Variants in HTR1F observed in about 807,000 individuals in gnomAD.
The protein encoded by HTR1F is 5-hydroxytryptamine receptor 1F, also known as 5-hydroxytryptamine (serotonin) receptor 1F, G protein-coupled.
Under a neutral mutation model 24.0 loss-of-function variants are expected in HTR1F, and 17 were observed. That is an observed-to-expected ratio of 0.71 (90% CI 0.48 to 1.06). The LOEUF is 1.06. HTR1F is among the 50% of genes least tolerant of loss of function. The probability of loss-of-function intolerance (pLI) is 0.00; values close to 1 mark genes in which losing one functional copy is unlikely to be tolerated. For synonymous variants in HTR1F, 186 were observed against 156.8 expected, an observed-to-expected ratio of 1.19 and a Z score of -1.39; for missense variants, 391 against 427.8, an observed-to-expected ratio of 0.91 and a Z score of 0.76.
chr3:87,903,016 G>C (rs2343777), intron 2 of HTR1F, among the ~76,000 whole-genome samples: 27,850 of 149,840 alleles, frequency 0.19, 4,621 homozygotes, highest in African/African-American at 0.45. Context: ...GAAAAACAAG[G>C]AATGGGGAAA....
intron 2 of HTR1F, among the ~76,000 whole-genome samples, chr3:87,944,412 T>G (rs1704645597): frequency 6.6e-6 from 1 of 152,188 alleles, no homozygotes; most frequent in South Asian, 2.1e-4. Context: ...GACCAATTAT[T>G]AAGCAATTTT....
chr3:87,944,635 T>C (rs1704651248), intron 2 of HTR1F, among the ~76,000 whole-genome samples: 1 of 152,246 alleles, frequency 6.6e-6, no homozygotes, highest in African/African-American at 2.4e-5. Context: ...TTAAATTACC[T>C]TTTTCTAACA....
At position 87,896,634 on chromosome 3, in the gene HTR1F, C is replaced by G. The variant is rs532998619; in HGVS notation, c.-43+74510C>G. Among the ~76,000 whole-genome samples, 80 of 152,130 alleles carry G rather than the reference C, an allele frequency of 5.3e-4. 1 individual carries two copies. The highest frequency in any genetic ancestry group is 1.8e-3 in the African/African-American group (74 of 41,502). Reference sequence around the variant, plus strand: ...AACAATCAACAAAGTGAAAAGGTGACCAATAGATTGGGAAAAAGTGTTTGC... The same window carrying G: ...AACAATCAACAAAGTGAAAAGGTGAGCAATAGATTGGGAAAAAGTGTTTGC... On this transcript the variant is annotated intron_variant, in intron 2 of 2. Coordinates refer to ENST00000319595, the MANE Select transcript of HTR1F (RefSeq NM_001322209.2).
At position 87,991,316 on chromosome 3, in the gene HTR1F, T is replaced by C. The variant is rs1215431438; in HGVS notation, c.567T>C (p.Ala189=). 1.9e-6 allele frequency: 3 copies of C among 1,613,992 alleles called. No homozygotes were observed. The highest frequency in any genetic ancestry group is 4.5e-5 in the East Asian group (2 of 44,884). ...IVSTIYSTFG[A]FYIPLALILI... Reference sequence around the variant, plus strand: ...CCACCATTTACTCAACATTTGGAGCTTTCTACATCCCACTGGCATTGATTT... The same window carrying C: ...CCACCATTTACTCAACATTTGGAGCCTTCTACATCCCACTGGCATTGATTT... Residue 189 remains alanine, a synonymous_variant, in exon 3 of 3, where the codon GCT becomes GCC. Coordinates refer to ENST00000319595, the MANE Select transcript of HTR1F (RefSeq NM_001322209.2).
chr3:87,847,977 G>A (rs1459632547), intron 2 of HTR1F, among the ~76,000 whole-genome samples: 1 of 151,942 alleles, frequency 6.6e-6, no homozygotes, highest in East Asian at 1.9e-4. Flanking sequence ...ATAAGCATGT[G>A]AGTACAGACA....
At chr3:87,984,263 A>T (rs567668760) in intron 2 of HTR1F, among the ~76,000 whole-genome samples, 81 of 152,296 alleles carry the variant, frequency 5.3e-4, no homozygotes, top group African/African-American at 1.9e-3. Flanking sequence ...TTTCCAGGAA[A>T]CTTTATACAT....
chr3:87,887,592 T>C (rs977185694), intron 2 of HTR1F, among the ~76,000 whole-genome samples: 1 of 152,196 alleles, frequency 6.6e-6, no homozygotes, highest in Non-Finnish European at 1.5e-5. Context: ...AAAGGGCTAA[T>C]ATCCAGAATC....
intron 2 of HTR1F, among the ~76,000 whole-genome samples, chr3:87,953,571 TTATA>T (rs950480278): frequency 6.6e-6 from 1 of 151,502 alleles, no homozygotes; most frequent in African/African-American, 2.4e-5. Flanking sequence ...AAGGGCATAC[TTATA>T]TGTTGTTGGT....
At chr3:87,812,430 C>G (rs990162637) in intron 1 of HTR1F, among the ~76,000 whole-genome samples, 2 of 5,758 alleles carry the variant, frequency 3.5e-4, no homozygotes, top group African/African-American at 2.3e-3. Flanking sequence ...GAATTTTGCC[C>G]CTGCCCTAGG....
chr3:87,835,312 C>A (rs1704661340), intron 2 of HTR1F, among the ~76,000 whole-genome samples: 1 of 145,870 alleles, frequency 6.9e-6, no homozygotes, highest in Non-Finnish European at 1.5e-5. Flanking sequence ...CCAGGGCAGA[C>A]AGGATCTAAA....
intron 2 of HTR1F, among the ~76,000 whole-genome samples, chr3:87,899,758 G>A (rs1215824362): frequency 4.6e-5 from 7 of 152,036 alleles, no homozygotes; most frequent in African/African-American, 9.7e-5. Context: ...CCAGCTACTC[G>A]GGAGGCTGAG....
intron 2 of HTR1F, among the ~76,000 whole-genome samples, chr3:87,977,949 C>A (rs150295730): frequency 1.4e-3 from 210 of 152,314 alleles, no homozygotes; most frequent in African/African-American, 4.9e-3. Flanking sequence ...TTAGCTCATG[C>A]TACTGGCCCA....
chr3:87,969,062 C>T (rs148974176), intron 2 of HTR1F, among the ~76,000 whole-genome samples: 1,906 of 152,346 alleles, frequency 0.013, 39 homozygotes, highest in African/African-American at 0.043. Context: ...TGGAAACCTC[C>T]GCCTAGATTT....
intron 2 of HTR1F, among the ~76,000 whole-genome samples, chr3:87,902,742 TC>T (rs1377795674): frequency 1.1e-5 from 1 of 89,386 alleles, no homozygotes; most frequent in Non-Finnish European, 2.1e-5. Flanking sequence ...AAGCTATCCC[TC>T]CCCCCTCCCC....
At chr3:87,872,624 C>A (rs1503427) in intron 2 of HTR1F, among the ~76,000 whole-genome samples, 1 of 151,652 alleles carries the variant, frequency 6.6e-6, no homozygotes, top group African/African-American at 2.4e-5. Context: ...ACAGCTAATG[C>A]CACAGAAATA....
intron 2 of HTR1F, among the ~76,000 whole-genome samples, chr3:87,893,638 G>A (rs553776023): frequency 6.6e-6 from 1 of 152,336 alleles, no homozygotes; most frequent in East Asian, 1.9e-4. Flanking sequence ...ACTATTTAAT[G>A]CTAGTGCAAA....
chr3:87,881,864 C>G (rs1705810445), intron 2 of HTR1F, among the ~76,000 whole-genome samples: 1 of 152,166 alleles, frequency 6.6e-6, no homozygotes, highest in Admixed American at 6.5e-5. Context: ...CAAATGGGAT[C>G]TAATTAAACT....
rs113713663 is a variant in HTR1F, at chr3:87,929,989, G to T, written c.-42-60719G>T. On this transcript the variant is annotated intron_variant, in intron 2 of 2. Transcript: ENST00000319595. ...CTCTGATTTCTTTGAGCAGTGTTTT[G>T]TAGTTCTACTTGCAGAGATCTTTCA... Among the ~76,000 whole-genome samples the T allele has an allele frequency of 4.2e-3, 641 of 152,166 alleles. 7 individuals are homozygous for T. Among genetic ancestry groups the T allele is most frequent in the African/African-American group, 0.015 (606 of 41,508 alleles).
chr3:87,845,603 A>G (rs1364617798), intron 2 of HTR1F, among the ~76,000 whole-genome samples: 4 of 151,238 alleles, frequency 2.6e-5, no homozygotes, highest in Non-Finnish European at 5.9e-5. Flanking sequence ...CAAATGGAAG[A>G]ACATTCCATG....
Sources: gnomAD v4.1 joint callset for allele counts (sites outside exome capture counted in the v4.1 genomes callset) on GRCh38, gnomAD v4.1.1 for gene constraint, MANE v1.5 for transcripts, NCBI Gene and HGNC (gene_info 2026-07-23, HGNC 2026-07-21) for gene names.